Variants in ARHGAP28 observed in about 807,000 individuals in gnomAD.
ARHGAP28 encodes the protein rho GTPase-activating protein 28.
In ARHGAP28, 56 loss-of-function variants were observed where a neutral mutation model predicts 90.7. The observed-to-expected ratio is 0.62, with a 90% CI of 0.50 to 0.77. ARHGAP28 has a LOEUF of 0.77. ARHGAP28 is among the 30% of genes least tolerant of loss of function. The pLI, the probability that ARHGAP28 is intolerant of heterozygous loss-of-function variation, is 0.00. For synonymous variants in ARHGAP28, 308 were observed against 323.3 expected (o/e 0.95, Z 0.51); for missense variants, 869 against 900.9 (o/e 0.96, Z 0.45).
chr18:6,853,742 T>A (rs4797261), intron 4 of ARHGAP28, among the ~76,000 whole-genome samples: 82,204 of 151,994 alleles, frequency 0.54, 23,095 homozygotes, highest in Non-Finnish European at 0.62. Context: ...CCCAAAGTCC[T>A]GGGATTACAG....
chr18:6,799,457 G>A (rs551462033), intron 1 of ARHGAP28, among the ~76,000 whole-genome samples: 50 of 152,274 alleles, frequency 3.3e-4, no homozygotes, highest in Admixed American at 2.4e-3. Flanking sequence ...GAACAAAGCC[G>A]GAGGCATCAC....
intron 1 of ARHGAP28, among the ~76,000 whole-genome samples, chr18:6,817,682 C>G (rs918712584): frequency 6.6e-6 from 1 of 152,144 alleles, no homozygotes; most frequent in Non-Finnish European, 1.5e-5. Context: ...TGGCTTTTCT[C>G]TCATAATGGG....
At position 6,819,270 on chromosome 18, in the gene ARHGAP28, G is replaced by A. The variant is rs1186344621; in HGVS notation, c.123-5492G>A. On this transcript the variant is annotated intron_variant, in intron 1 of 17. Coordinates refer to ENST00000383472, the MANE Select transcript of ARHGAP28 (RefSeq NM_001366230.1). The stretch of plus-strand genomic sequence containing the variant: ...ATGTTTTGTGGGAGTTCTGCTACCA[G>A]TTAGGATGTAGACTAGTTTGTGACA... 3.9e-5 allele frequency among the ~76,000 whole-genome samples: 6 copies of A among 152,218 alleles called. No homozygotes were observed. In the East Asian group the frequency reaches 1.2e-3, roughly 29 times the overall value.
intron 1 of ARHGAP28, among the ~76,000 whole-genome samples, chr18:6,773,676 A>G (rs2056261247): frequency 6.6e-6 from 1 of 152,264 alleles, no homozygotes; most frequent in Non-Finnish European, 1.5e-5. Context: ...ATCATCCATG[A>G]ATTCTTTCCT....
At chr18:6,794,329 CA>C (rs1159260192) in intron 1 of ARHGAP28, among the ~76,000 whole-genome samples, 1 of 152,140 alleles carries the variant, frequency 6.6e-6, no homozygotes, top group Non-Finnish European at 1.5e-5. Flanking sequence ...TGCCTGACTT[CA>C]AAAACACTAG....
intron 7 of ARHGAP28, 57 bp from the exon 8 acceptor site, chr18:6,873,352 A>T (rs1481487743): frequency 6.7e-7 from 1 of 1,481,992 alleles, no homozygotes; most frequent in East Asian, 2.3e-5. Flanking sequence ...CATTTGAGTG[A>T]ACGCATAATA....
At chr18:6,870,373 G>A (rs2057073876) in intron 6 of ARHGAP28, among the ~76,000 whole-genome samples, 1 of 152,102 alleles carries the variant, frequency 6.6e-6, no homozygotes, top group African/African-American at 2.4e-5. Flanking sequence ...AGTTTGTTTG[G>A]GCAATGATGA....
chr18:6,860,093 G>A (rs1490974255), intron 5 of ARHGAP28, among the ~76,000 whole-genome samples, 196 bp downstream of exon 5: 3 of 152,212 alleles, frequency 2.0e-5, no homozygotes, highest in African/African-American at 7.2e-5. Context: ...AATAAATGAG[G>A]ACTCCATGGA....
chr18:6,911,970 G>T, intron 17 of ARHGAP28, 90 bp from the exon 18 acceptor site: 1 of 738,850 alleles, frequency 1.4e-6, no homozygotes, highest in Non-Finnish European at 2.1e-6. Flanking sequence ...AACCTTATTT[G>T]AACCTCACAA....
At chr18:6,911,131 G>A (rs2057396636) in intron 17 of ARHGAP28, among the ~76,000 whole-genome samples, 1 of 152,140 alleles carries the variant, frequency 6.6e-6, no homozygotes, top group South Asian at 2.1e-4. Context: ...ACCGCGCTCG[G>A]CCAGCTCTTG....
At chr18:6,798,928 A>AG (rs1567951363) in intron 1 of ARHGAP28, among the ~76,000 whole-genome samples, 2 of 152,230 alleles carry the variant, frequency 1.3e-5, no homozygotes. Flanking sequence ...ACCCTGTGAC[A>AG]GACTGAGGGA....
intron 4 of ARHGAP28, among the ~76,000 whole-genome samples, chr18:6,856,726 T>A (rs1316962674): frequency 6.6e-6 from 1 of 152,262 alleles, no homozygotes; most frequent in South Asian, 2.1e-4. Flanking sequence ...TTAATCAAAA[T>A]ATAGAACATC....
chr18:6,867,730 TA>T lies in ARHGAP28; in HGVS notation c.727-418del, dbSNP rs1414802847. Among the ~76,000 whole-genome samples the T allele has an allele frequency of 7.2e-5, 11 of 152,288 alleles. No individual in the cohort carries two copies. In the East Asian group the frequency reaches 1.9e-3, roughly 27 times the overall value. On this transcript the variant is annotated intron_variant, in intron 5 of 17. Transcript: ENST00000383472. ...ATATTAACAATATAATTAATATAAGTAAGACAAAAATGCATGAAGATTAATT... is the reference window on the plus strand; with the variant it reads ...ATATTAACAATATAATTAATATAAGTAGACAAAAATGCATGAAGATTAATT...
At chr18:6,733,931 T>C (rs1430686172) in intron 1 of ARHGAP28, among the ~76,000 whole-genome samples, 3 of 152,216 alleles carry the variant, frequency 2.0e-5, no homozygotes, top group Admixed American at 6.5e-5. Flanking sequence ...TTTATGTGCT[T>C]AACAGTGGCA....
intron 1 of ARHGAP28, among the ~76,000 whole-genome samples, chr18:6,815,043 C>T (rs2143710478): frequency 6.6e-6 from 1 of 152,318 alleles, no homozygotes; most frequent in Non-Finnish European, 1.5e-5. Flanking sequence ...TAGTTCTCTA[C>T]TCATAACCTC....
At chr18:6,830,493 C>T (rs969050966) in intron 2 of ARHGAP28, among the ~76,000 whole-genome samples, 1 of 152,136 alleles carries the variant, frequency 6.6e-6, no homozygotes, top group Admixed American at 6.6e-5. Context: ...CTGACAGGCC[C>T]TGGTGTGTGA....
At chr18:6,842,018 T>C (rs2056831485) in intron 3 of ARHGAP28, among the ~76,000 whole-genome samples, 1 of 152,202 alleles carries the variant, frequency 6.6e-6, no homozygotes. Flanking sequence ...TCCAAGCTTA[T>C]TTTGGCCATG....
intron 4 of ARHGAP28, among the ~76,000 whole-genome samples, chr18:6,853,844 C>G (rs555786503): frequency 1.3e-5 from 2 of 152,260 alleles, no homozygotes; most frequent in East Asian, 3.9e-4. Flanking sequence ...CTTTCCAGAT[C>G]GAACCAATGT....
intron 1 of ARHGAP28, among the ~76,000 whole-genome samples, chr18:6,744,182 G>A (rs2056002958): frequency 6.6e-6 from 1 of 152,194 alleles, no homozygotes; most frequent in African/African-American, 2.4e-5. Flanking sequence ...TGAGTTAGTA[G>A]GGGGGATTTT....
Sources: allele counts gnomAD v4.1 joint callset (sites outside exome capture counted in the v4.1 genomes callset), GRCh38; gene constraint gnomAD v4.1.1; transcripts MANE v1.5; gene names NCBI Gene and HGNC (gene_info 2026-07-23, HGNC 2026-07-21).